Variants in MTRF1 observed in about 807,000 individuals in gnomAD.
MTRF1 encodes the protein peptide chain release factor 1, mitochondrial.
In MTRF1, 51 loss-of-function variants were observed where a neutral mutation model predicts 62.9. The observed-to-expected ratio is 0.81, with a 90% CI of 0.65 to 1.02. The LOEUF (loss-of-function observed/expected upper bound fraction) is 1.02, where lower values mean the gene tolerates loss of function less well. Ranked by LOEUF, MTRF1 falls within the 50% of genes least tolerant of loss-of-function variation. The pLI is 0.00. For missense variants in MTRF1, 446 were observed against 530.0 expected (o/e 0.84, Z 1.56); for synonymous variants, 158 against 181.9 (o/e 0.87, Z 1.06).
upstream of MTRF1, among the ~76,000 whole-genome samples, chr13:41,266,922 G>A (rs1347517824): frequency 6.6e-6 from 1 of 150,948 alleles, no homozygotes; most frequent in Non-Finnish European, 1.5e-5. Context: ...GTGAACCTGG[G>A]AGGCAGAGTT....
intron 2 of MTRF1, among the ~76,000 whole-genome samples, chr13:41,255,433 T>C (rs1350372253): frequency 6.6e-6 from 1 of 152,226 alleles, no homozygotes; most frequent in Non-Finnish European, 1.5e-5. Flanking sequence ...GACTAATGCC[T>C]GTAATCCCAG....
At chr13:41,257,048 T>C (rs947154032) in intron 2 of MTRF1, among the ~76,000 whole-genome samples, 1 of 152,036 alleles carries the variant, frequency 6.6e-6, no homozygotes, top group Non-Finnish European at 1.5e-5. Flanking sequence ...CCAAGCTTTG[T>C]AAGAGGACTG....
At chr13:41,303,691 G>A in the MTRF1 span, among the ~76,000 whole-genome samples, 1 of 152,154 alleles carries the variant, frequency 6.6e-6, no homozygotes, top group South Asian at 2.1e-4. Flanking sequence ...TGCATTCCCA[G>A]GAGGGTAAGT....
At chr13:41,291,218 T>G in the MTRF1 span, among the ~76,000 whole-genome samples, 2 of 152,114 alleles carry the variant, frequency 1.3e-5, no homozygotes, top group Non-Finnish European at 2.9e-5. Context: ...TGCTCTGTTG[T>G]CCAGGCTGGA....
intron 5 of MTRF1, among the ~76,000 whole-genome samples, chr13:41,250,248 A>G (rs1216113384): frequency 1.3e-5 from 2 of 152,040 alleles, no homozygotes; most frequent in Non-Finnish European, 2.9e-5. Flanking sequence ...TTGCTTCCAT[A>G]ATATTTTACT....
intron 4 of MTRF1, 77 bp from the exon 5 acceptor site, chr13:41,252,829 T>G (rs2039244812): frequency 1.4e-6 from 2 of 1,396,462 alleles, no homozygotes; most frequent in South Asian, 1.2e-5. Context: ...CTTTAGGAAA[T>G]AAAGAATAAC....
At chr13:41,252,866 G>T in intron 4 of MTRF1, 83 bp downstream of exon 4, 1 of 1,359,602 alleles carries the variant, frequency 7.4e-7, no homozygotes, top group Non-Finnish European at 1.0e-6. Context: ...TACATTTAAT[G>T]GACTTTTAAA....
chr13:41,262,755 G>A (rs1364813706), intron 1 of MTRF1, among the ~76,000 whole-genome samples: 1 of 152,208 alleles, frequency 6.6e-6, no homozygotes, highest in Non-Finnish European at 1.5e-5. Context: ...GAGCCAAGGA[G>A]TTCAAGGCCA....
At chr13:41,307,745 T>G in the MTRF1 span, among the ~76,000 whole-genome samples, 1 of 152,204 alleles carries the variant, frequency 6.6e-6, no homozygotes, top group Non-Finnish European at 1.5e-5. Context: ...CCAGCCATGC[T>G]TCCTGTATAG....
chr13:41,241,004 G>C (rs546038290), intron 5 of MTRF1, among the ~76,000 whole-genome samples: 1 of 152,232 alleles, frequency 6.6e-6, no homozygotes, highest in East Asian at 1.9e-4. Flanking sequence ...TATGGAGTGG[G>C]AAGAGTATCA....
At chr13:41,262,952 A>C (rs2040632169) in intron 1 of MTRF1, among the ~76,000 whole-genome samples, 1 of 152,238 alleles carries the variant, frequency 6.6e-6, no homozygotes, top group Non-Finnish European at 1.5e-5. Context: ...ATGGTCTTTA[A>C]AATATTCAGT....
At chr13:41,243,404 C>CA (rs371273057) in intron 5 of MTRF1, among the ~76,000 whole-genome samples, 41,428 of 76,454 alleles carry the variant, frequency 0.54, 10,890 homozygotes, top group South Asian at 0.59. Context: ...GACCCTGTCT[C>CA]AAAAAAAAAA....
At chr13:41,275,264 G>A in the MTRF1 span, among the ~76,000 whole-genome samples, 2 of 151,202 alleles carry the variant, frequency 1.3e-5, no homozygotes, top group Non-Finnish European at 2.9e-5. Context: ...GCTGTGGCGC[G>A]ATCTCAGCTC....
At chr13:41,251,248 T>C (rs1331803307) in intron 5 of MTRF1, among the ~76,000 whole-genome samples, 4 of 152,244 alleles carry the variant, frequency 2.6e-5, no homozygotes, top group Non-Finnish European at 5.9e-5. Context: ...CTCTTAGTCA[T>C]ATCTGGATTA....
intron 4 of MTRF1, 26 bp downstream of exon 4, chr13:41,252,923 T>G (rs368618813): frequency 2.2e-4 from 335 of 1,533,336 alleles, no homozygotes; most frequent in Non-Finnish European, 2.9e-4. Flanking sequence ...TTTAGATCAT[T>G]TAAATAATAA....
At chr13:41,228,584 A>T (rs563598131) in intron 7 of MTRF1, among the ~76,000 whole-genome samples, 1 of 152,340 alleles carries the variant, frequency 6.6e-6, no homozygotes, top group Admixed American at 6.5e-5. Context: ...AAAGAAAGAA[A>T]GAAAAACAAA....
intron 1 of MTRF1, among the ~76,000 whole-genome samples, chr13:41,262,975 A>G (rs2040636496): frequency 6.6e-6 from 1 of 152,200 alleles, no homozygotes; most frequent in Admixed American, 6.5e-5. Flanking sequence ...CCAGAGTTCT[A>G]CTGATAGATT....
intron 5 of MTRF1, among the ~76,000 whole-genome samples, chr13:41,240,652 G>T (rs775922002): frequency 3.4e-4 from 51 of 151,998 alleles, no homozygotes; most frequent in Non-Finnish European, 4.9e-4. Flanking sequence ...AATACAAAAG[G>T]AAACATACCA....
chr13:41,259,942 A>ATGTGTAGCCCTAG (rs2040244164), intron 2 of MTRF1, among the ~76,000 whole-genome samples: 2 of 152,158 alleles, frequency 1.3e-5, no homozygotes, highest in Non-Finnish European at 2.9e-5. Context: ...TAGGAACTGT[A>ATGTGTAGCCCTAG]TGTGTAGCCC....
Sources: gnomAD v4.1 joint callset for allele counts (sites outside exome capture counted in the v4.1 genomes callset) on GRCh38, gnomAD v4.1.1 for gene constraint, MANE v1.5 for transcripts, NCBI Gene and HGNC (gene_info 2026-07-23, HGNC 2026-07-21) for gene names.